Variants in MED13L observed in about 807,000 individuals in gnomAD.
MED13L encodes mediator of RNA polymerase II transcription subunit 13-like.
Under a neutral mutation model 220.9 loss-of-function variants are expected in MED13L, and 7 were observed. The ratio of observed to expected loss-of-function variants is 0.03; its 90% CI spans 0.02 to 0.06. MED13L has a LOEUF of 0.06. MED13L is among the 10% of genes least tolerant of loss of function. The probability of loss-of-function intolerance (pLI) is 1.00; values close to 1 mark genes in which losing one functional copy is unlikely to be tolerated. For missense variants in MED13L, 1,965 were observed against 2,760.5 expected (o/e 0.71, Z 6.46); for synonymous variants, 1,011 against 1,015.2 (o/e 1.00, Z 0.08).
intron 4 of MED13L, among the ~76,000 whole-genome samples, chr12:116,095,974 T>C (rs1872602421): frequency 6.6e-6 from 1 of 152,146 alleles, no homozygotes; most frequent in Admixed American, 6.6e-5. Flanking sequence ...TGTGTTGATC[T>C]TCTTTAAGGG....
At chr12:116,143,474 G>GT (rs2138057937) in intron 2 of MED13L, among the ~76,000 whole-genome samples, 1 of 152,286 alleles carries the variant, frequency 6.6e-6, no homozygotes, top group South Asian at 2.1e-4. Flanking sequence ...AGTTTCAATT[G>GT]TAAGTCAACG....
chr12:115,986,034 G>A (rs954766823), intron 19 of MED13L, among the ~76,000 whole-genome samples: 10 of 152,170 alleles, frequency 6.6e-5, no homozygotes, highest in African/African-American at 1.9e-4. Flanking sequence ...ATTTTAAGAC[G>A]TGTGGTAAGA....
At chr12:116,159,372 C>G (rs563658477) in intron 2 of MED13L, among the ~76,000 whole-genome samples, 20 of 152,194 alleles carry the variant, frequency 1.3e-4, no homozygotes, top group Admixed American at 4.6e-4. Context: ...TACATTTTAA[C>G]CAAGTGGACA....
At chr12:115,984,839 C>T (rs936314961) in intron 19 of MED13L, among the ~76,000 whole-genome samples, 4 of 151,786 alleles carry the variant, frequency 2.6e-5, no homozygotes, top group African/African-American at 9.7e-5. Context: ...ATAGCAGGGG[C>T]CACTGAAGCA....
chr12:116,089,947 T>G (rs1197299686), intron 4 of MED13L, among the ~76,000 whole-genome samples: 1 of 152,230 alleles, frequency 6.6e-6, no homozygotes, highest in Non-Finnish European at 1.5e-5. Context: ...CATTCCTTTT[T>G]AAATGTAGTC....
chr12:116,221,917 T>A (rs1051897196), intron 2 of MED13L, among the ~76,000 whole-genome samples: 1 of 152,168 alleles, frequency 6.6e-6, no homozygotes, highest in Non-Finnish European at 1.5e-5. Flanking sequence ...ATTATAATCA[T>A]TCTTGCACAG....
chr12:115,976,249 C>A (rs750251479), intron 23 of MED13L, among the ~76,000 whole-genome samples: 1 of 152,038 alleles, frequency 6.6e-6, no homozygotes, highest in Non-Finnish European at 1.5e-5. Context: ...TAGCTCCAAA[C>A]AGAAAGTTAT....
intron 4 of MED13L, among the ~76,000 whole-genome samples, chr12:116,023,342 C>T (rs1880175834): frequency 6.6e-6 from 1 of 152,146 alleles, no homozygotes; most frequent in Non-Finnish European, 1.5e-5. Context: ...CCCCTCAGCA[C>T]ATTTTTTCAA....
rs1433101146 is a variant in MED13L, at chr12:115,975,164, T to C, written c.5731+7A>G. On this transcript the variant is annotated splice_region_variant and intron_variant, in intron 25 of 30. Transcript: ENST00000281928. ...CTTCTGCAAATACTTCTTCAAAAAT[T>C]TCTCACCTTTAAGCTCCCCATGGCC... 3 of 1,614,058 alleles carry C rather than the reference T, an allele frequency of 1.9e-6. No homozygotes were observed. The highest frequency in any genetic ancestry group is 2.5e-6 in the Non-Finnish European group (3 of 1,179,980).
chr12:116,183,802 T>TGGTG (rs1358007323), intron 2 of MED13L, among the ~76,000 whole-genome samples: 1 of 86,250 alleles, frequency 1.2e-5, no homozygotes. Flanking sequence ...GTAGAAAAAA[T>TGGTG]GGTGTGTGTG....
chr12:116,219,393 C>T (rs1358986349), intron 2 of MED13L, among the ~76,000 whole-genome samples: 1 of 152,118 alleles, frequency 6.6e-6, no homozygotes, highest in Admixed American at 6.5e-5. Flanking sequence ...AGTATTTTAA[C>T]TAAAGCTAGA....
intron 11 of MED13L, 70 bp downstream of exon 11, chr12:116,007,341 T>C: frequency 7.0e-7 from 1 of 1,427,236 alleles, no homozygotes; most frequent in Non-Finnish European, 9.9e-7. Context: ...TCCAAAGTCT[T>C]CCCACACATG....
At chr12:116,149,043 T>A (rs531598710) in intron 2 of MED13L, among the ~76,000 whole-genome samples, 1 of 152,310 alleles carries the variant, frequency 6.6e-6, no homozygotes, top group South Asian at 2.1e-4. Context: ...AACAACTCAT[T>A]GTTTGAGATA....
chr12:116,141,997 G>T (rs1400201717), intron 2 of MED13L, among the ~76,000 whole-genome samples: 3 of 151,794 alleles, frequency 2.0e-5, no homozygotes, highest in Non-Finnish European at 2.9e-5. Context: ...TACTCTACCC[G>T]ATGACCTTTG....
At chr12:116,229,250 AC>A (rs1271713582) in intron 2 of MED13L, among the ~76,000 whole-genome samples, 4 of 152,246 alleles carry the variant, frequency 2.6e-5, no homozygotes, top group Non-Finnish European at 5.9e-5. Context: ...ATTTTAAAAA[AC>A]AATATACCAA....
chr12:116,037,241 A>C (rs1044461322), intron 4 of MED13L, among the ~76,000 whole-genome samples: 6 of 152,174 alleles, frequency 3.9e-5, no homozygotes, highest in African/African-American at 1.4e-4. Context: ...AAAATCCAAA[A>C]TTTTTGAGTG....
rs1230092731 is a variant in MED13L, at chr12:116,007,054, C to T, written c.2238+357G>A. ...GCGCTCGATAAATTGTGTATACCTA[C>T]TGTTACAAACATTTTTTCCTTTACA... is the stretch of plus-strand genomic sequence containing the variant. On this transcript the variant is annotated intron_variant, in intron 11 of 30. Transcript: ENST00000281928. 8 of 331,576 alleles carry T rather than the reference C, an allele frequency of 2.4e-5. No homozygotes were observed. The East Asian group carries it at 4.3e-4, about 18-fold the overall frequency. The allele number at this position is 331,576 out of a possible 1,614,324, so 20.5% of individuals were successfully genotyped here.
intron 2 of MED13L, among the ~76,000 whole-genome samples, chr12:116,138,158 A>T (rs1286917195): frequency 6.6e-6 from 1 of 152,198 alleles, no homozygotes. Flanking sequence ...GCCCGGCCTG[A>T]CATAAATTTT....
chr12:116,047,811 A>G (rs2137571028), intron 4 of MED13L, among the ~76,000 whole-genome samples: 1 of 152,298 alleles, frequency 6.6e-6, no homozygotes, highest in East Asian at 1.9e-4. Flanking sequence ...TAACCTGTAT[A>G]TTTCATCTGA....
Sources: allele counts gnomAD v4.1 joint callset (sites outside exome capture counted in the v4.1 genomes callset), GRCh38; gene constraint gnomAD v4.1.1; transcripts MANE v1.5; gene names NCBI Gene and HGNC (gene_info 2026-07-23, HGNC 2026-07-21).